The following ABCA3 variants were observed in gnomAD, a reference collection of about 807,000 sequenced individuals.
The protein encoded by ABCA3 is ATP binding cassette subfamily A member 3.
A neutral mutation model predicts 172.8 loss-of-function variants in ABCA3; 88 were observed. The observed-to-expected ratio is 0.51, with a 90% CI of 0.43 to 0.61. The LOEUF (loss-of-function observed/expected upper bound fraction) is 0.61. ABCA3 is among the 20% of genes least tolerant of loss of function. ABCA3 has a pLI of 0.00. For missense variants in ABCA3, 2,164 were observed against 2,301.0 expected (o/e 0.94, Z 1.22); for synonymous variants, 1,066 against 983.8 (o/e 1.08, Z -1.56).
chr16:2,337,930 A>C (rs2093754446), intron 1 of ABCA3, among the ~76,000 whole-genome samples: 1 of 152,222 alleles, frequency 6.6e-6, no homozygotes, highest in East Asian at 1.9e-4. Flanking sequence ...GCAGGGGTTC[A>C]TAGGGTGTAT....
chr16:2,324,962 A>G (rs748097296), intron 5 of ABCA3, among the ~76,000 whole-genome samples: 4 of 152,124 alleles, frequency 2.6e-5, no homozygotes, highest in Admixed American at 6.5e-5. Context: ...CTCCTTAACA[A>G]TTCAGAAAGG....
Position 2,284,773 on chromosome 16 carries a change from G to A in ABCA3, c.3703+6C>T, listed in dbSNP as rs2093660205. 3 of 1,612,718 alleles carry A rather than the reference G, an allele frequency of 1.9e-6. No individual in the cohort carries two copies. The highest frequency in any genetic ancestry group is 1.7e-6 in the Non-Finnish European group (2 of 1,179,636). On this transcript the variant is annotated splice_donor_region_variant and intron_variant, in intron 24 of 32. Transcript: ENST00000301732. The surrounding 1 kb of genome is among the most constrained non-coding windows in gnomAD (Gnocchi z 5.9). ...TGGGGGCTGCGGGTGGTCTCCAGGT[G>A]CCCACCTGGGATGCGCATGATGGTG...
chr16:2,308,714 G>C, intron 10 of ABCA3, 91 bp from the exon 11 acceptor site: 1 of 1,492,634 alleles, frequency 6.7e-7, no homozygotes, highest in Non-Finnish European at 9.2e-7. Context: ...CCCTACTCCT[G>C]GGGCCGAGCC....
chr16:2,298,307 T>G, intron 15 of ABCA3, 79 bp downstream of exon 15: 1 of 1,594,712 alleles, frequency 6.3e-7, no homozygotes, highest in South Asian at 1.1e-5. Context: ...TTCCTCCAGT[T>G]TAGCTCCTCG....
chr16:2,328,379 A>T (rs2093737688), intron 3 of ABCA3, 74 bp downstream of exon 3: 1 of 401,584 alleles, frequency 2.5e-6, no homozygotes, highest in South Asian at 1.8e-5. Context: ...AAATAAAGTA[A>T]GAAAAAGGAA....
At chr16:2,331,723 G>A (rs2093743511) in intron 1 of ABCA3, among the ~76,000 whole-genome samples, 2 of 152,184 alleles carry the variant, frequency 1.3e-5, no homozygotes, top group Non-Finnish European at 2.9e-5. Flanking sequence ...ACGCCGAGGC[G>A]GCAGAGTCTC....
In ABCA3 at chr16:2,278,465, G is replaced by A. The variant is rs765624815; in HGVS notation, c.4548-7C>T. On this transcript the variant is annotated splice_polypyrimidine_tract_variant and splice_region_variant and intron_variant, in intron 29 of 32. Coordinates refer to ENST00000301732, the MANE Select transcript of ABCA3 (RefSeq NM_001089.3). This position sits in a 1 kb window ranked among gnomAD's most constrained non-coding sequence, Gnocchi z 4.4. Reference sequence around the variant, plus strand: ...CTTCCGCTTGTTACCACCACTAGAGGCAGGAGGGTGCCAGGTGGGGGAATA... The same window carrying A: ...CTTCCGCTTGTTACCACCACTAGAGACAGGAGGGTGCCAGGTGGGGGAATA... 10 of 1,610,636 alleles carry A rather than the reference G, an allele frequency of 6.2e-6. No homozygotes were observed. Among genetic ancestry groups the A allele is most frequent in the Admixed American group, 3.3e-5 (2 of 60,004 alleles).
intron 18 of ABCA3, among the ~76,000 whole-genome samples, chr16:2,295,350 C>T (rs892557641): frequency 6.6e-6 from 1 of 152,240 alleles, no homozygotes; most frequent in Admixed American, 6.5e-5. Flanking sequence ...TTTGGTGAGT[C>T]AGATACGTGC....
At position 2,326,817 on chromosome 16, in the gene ABCA3, G is replaced by A. The variant is rs565091219; in HGVS notation, c.-26-325C>T. Among the ~76,000 whole-genome samples, 32 of 152,228 alleles carry A rather than the reference G, an allele frequency of 2.1e-4. No homozygotes were observed. In the South Asian group the frequency reaches 6.2e-3, roughly 30 times the overall value. ...AGCCTGGCCAACATGGTGAAACCCC[G>A]TCTCTACTGAAAATACAAAAATTAG... On this transcript the variant is annotated intron_variant, in intron 3 of 32. Coordinates refer to ENST00000301732, the MANE Select transcript of ABCA3 (RefSeq NM_001089.3).
intron 1 of ABCA3, among the ~76,000 whole-genome samples, chr16:2,340,299 C>A (rs2093758676): frequency 6.6e-6 from 1 of 152,068 alleles, no homozygotes; most frequent in South Asian, 2.1e-4. Flanking sequence ...TCAGGCACTG[C>A]CCGCAGTGCG....
At chr16:2,318,419 C>T (rs9930249) in intron 8 of ABCA3, among the ~76,000 whole-genome samples, 2 of 152,074 alleles carry the variant, frequency 1.3e-5, no homozygotes, top group Admixed American at 6.5e-5. Flanking sequence ...CTGACCAATA[C>T]GGCAGCCAGC....
chr16:2,309,493 C>T (rs1028735299), intron 10 of ABCA3, among the ~76,000 whole-genome samples: 4 of 152,130 alleles, frequency 2.6e-5, no homozygotes, highest in Non-Finnish European at 4.4e-5. Context: ...TCCCGACGGC[C>T]GGGAAGGCTT....
intron 7 of ABCA3, 65 bp from the exon 8 acceptor site, chr16:2,319,905 C>T (rs898083711): frequency 2.4e-5 from 38 of 1,601,306 alleles, no homozygotes; most frequent in African/African-American, 4.0e-5. Flanking sequence ...CAGAGGGCCA[C>T]GTGCATGGGG....
At chr16:2,302,275 G>C (rs537469589) in intron 12 of ABCA3, among the ~76,000 whole-genome samples, 1 of 152,178 alleles carries the variant, frequency 6.6e-6, no homozygotes, top group East Asian at 1.9e-4. Flanking sequence ...CTGGGTTAAG[G>C]TCTCCCCGAC....
At position 2,284,497 on chromosome 16, in the gene ABCA3, C is replaced by T. The variant is rs1024296823; in HGVS notation, c.3704-60G>A. 43 of 1,604,312 alleles carry T rather than the reference C, an allele frequency of 2.7e-5. 1 individual carries two copies. The highest frequency in any genetic ancestry group is 1.4e-4 in the South Asian group (13 of 90,618). On this transcript the variant is annotated intron_variant, in intron 24 of 32. Coordinates refer to ENST00000301732, the MANE Select transcript of ABCA3 (RefSeq NM_001089.3). The surrounding 1 kb of genome is among the most constrained non-coding windows in gnomAD (Gnocchi z 5.9). Reference sequence around the variant, plus strand: ...GGGCACACCACACCCACCTCCAGGACGGGCCTGGTCAGGGCGGGCACAGGG... The same window carrying T: ...GGGCACACCACACCCACCTCCAGGATGGGCCTGGTCAGGGCGGGCACAGGG...
chr16:2,317,800 TCACTGCCC>T (rs2093718872), intron 8 of ABCA3, 36 bp from the exon 9 acceptor site: 1 of 1,594,198 alleles, frequency 6.3e-7, no homozygotes, highest in Non-Finnish European at 8.6e-7. Flanking sequence ...TGGGGGCCCG[TCACTGCCC>T]GCCATGATGG....
chr16:2,331,498 C>T (rs1023227479), intron 1 of ABCA3, among the ~76,000 whole-genome samples: 4 of 152,368 alleles, frequency 2.6e-5, no homozygotes, highest in Middle Eastern at 3.4e-3. Context: ...TGTGCCCTGC[C>T]GAGGTTTTAT....
At chr16:2,314,872 CTT>C (rs35616252) in intron 10 of ABCA3, among the ~76,000 whole-genome samples, 9 of 93,468 alleles carry the variant, frequency 9.6e-5, no homozygotes, top group Non-Finnish European at 1.5e-4. Context: ...AGTGCCTGGT[CTT>C]TTTTTTTTTT....
Position 2,319,783 on chromosome 16 carries a change from TC to T in ABCA3, c.670del (p.Glu224SerfsTer15). The T allele has an allele frequency of 6.2e-7, 1 of 1,614,000 alleles. No individual in the cohort carries two copies. Among genetic ancestry groups the T allele is most frequent in the Non-Finnish European group, 8.5e-7 (1 of 1,180,010 alleles). ...GCGTGTGGCGGCATCGGCATGGTAC[TC>T]CATGATGGCCCGGTCCACAGCATGC... The part of the protein sequence containing the change: ...VQHAVDRAIM[E>X]YHADAATRQL... On this transcript the variant is annotated frameshift_variant, in exon 8 of 33. Coordinates refer to ENST00000301732, the MANE Select transcript of ABCA3 (RefSeq NM_001089.3). LOFTEE classifies it high-confidence loss of function.
Sources: allele counts gnomAD v4.1 joint callset (sites outside exome capture counted in the v4.1 genomes callset), GRCh38; gene constraint gnomAD v4.1.1; non-coding constraint Gnocchi (gnomAD v3.1); transcripts MANE v1.5; gene names NCBI Gene and HGNC (gene_info 2026-07-23, HGNC 2026-07-21).